Variants in HMGA1 observed in about 807,000 individuals in gnomAD.
HMGA1 encodes the protein high mobility group AT-hook 1, also known as high mobility group protein HMG-I/HMG-Y.
Under a neutral mutation model 15.1 loss-of-function variants are expected in HMGA1, and 1 was observed. The ratio of observed to expected loss-of-function variants is 0.07; its 90% CI spans 0.02 to 0.31. The LOEUF is 0.31. HMGA1 is among the 10% of genes least tolerant of loss of function. The probability of loss-of-function intolerance (pLI) is 1.00; values close to 1 mark genes in which losing one functional copy is unlikely to be tolerated. For missense variants in HMGA1, 94 were observed against 141.4 expected, an observed-to-expected ratio of 0.66 and a Z score of 1.70; for synonymous variants, 56 against 54.8, an observed-to-expected ratio of 1.02 and a Z score of -0.10.
At chr6:34,243,023 ATCAGG>A (rs1159356839) in intron 4 of HMGA1, among the ~76,000 whole-genome samples, 1 of 151,968 alleles carries the variant, frequency 6.6e-6, no homozygotes, top group Non-Finnish European at 1.5e-5. Flanking sequence ...CACTGCGGAG[ATCAGG>A]TCAGAAGTCC....
At chr6:34,242,569 C>A (rs1300739325) in intron 3 of HMGA1, 143 bp from the exon 4 acceptor site, 2 of 684,198 alleles carry the variant, frequency 2.9e-6, no homozygotes, top group Non-Finnish European at 5.4e-6. Flanking sequence ...AGCTTTGGAT[C>A]CTGAAGGGAT....
intron 3 of HMGA1, among the ~76,000 whole-genome samples, chr6:34,241,874 G>C (rs141500795): frequency 1.3e-5 from 2 of 152,318 alleles, no homozygotes; most frequent in South Asian, 4.1e-4. Flanking sequence ...GACACGAGCT[G>C]TGAGGAGTCT....
rs990800913 is a variant in HMGA1, at chr6:34,237,206, C to T, written c.-156C>T. The T allele has an allele frequency of 3.4e-5, 5 of 149,202 alleles. No individual in the cohort carries two copies. Among genetic ancestry groups the T allele is most frequent in the African/African-American group, 9.8e-5 (4 of 40,678 alleles). The allele number at this position is 149,202 out of a possible 1,614,324, so 9.2% of individuals were successfully genotyped here. A position where few individuals can be genotyped will look rare whatever the true frequency, so the allele number is the denominator to read the frequency against. On this transcript the variant is annotated splice_region_variant and 5_prime_UTR_variant, in exon 2 of 6. Coordinates refer to ENST00000311487, the MANE Select transcript of HMGA1 (RefSeq NM_145899.3). Reference sequence around the variant, plus strand: ...CCTCTGCTCTCTCCCGGTTTCAGATCCGCATTTGCTACCAGCGGCGGCCGC... The same window carrying T: ...CCTCTGCTCTCTCCCGGTTTCAGATTCGCATTTGCTACCAGCGGCGGCCGC...
rs902299724 is a variant in HMGA1 at position 34,236,974 on chromosome 6, G to C, written c.-159+11G>C. 3 of 152,432 alleles carry C rather than the reference G, an allele frequency of 2.0e-5. No individual in the cohort carries two copies. Among genetic ancestry groups the C allele is most frequent in the East Asian group, 1.9e-4 (1 of 5,190 alleles). The allele number at this position is 152,432 out of a possible 1,614,324, so 9.4% of individuals were successfully genotyped here. ...CGGCTCCAAGAAGGCGTGAGTTCGCGGCCGCTCCGGTGGCTTCTTTTTTTT... is the reference window on the plus strand; with the variant it reads ...CGGCTCCAAGAAGGCGTGAGTTCGCCGCCGCTCCGGTGGCTTCTTTTTTTT... On this transcript the variant is annotated intron_variant, in intron 1 of 5. Coordinates refer to ENST00000311487, the MANE Select transcript of HMGA1 (RefSeq NM_145899.3).
intron 3 of HMGA1, among the ~76,000 whole-genome samples, chr6:34,241,141 A>G (rs1762275604): frequency 3.3e-5 from 5 of 152,160 alleles, no homozygotes; most frequent in Non-Finnish European, 7.4e-5. Context: ...AATTCAAGAT[A>G]AATTCTGAAG....
chr6:34,244,369 G>A (rs1047545793), intron 5 of HMGA1, among the ~76,000 whole-genome samples: 1 of 151,780 alleles, frequency 6.6e-6, no homozygotes, highest in African/African-American at 2.4e-5. Context: ...CGGCCACCCC[G>A]GAGGGCCAGG....
At chr6:34,241,569 C>T (rs1020075483) in intron 3 of HMGA1, among the ~76,000 whole-genome samples, 1 of 152,224 alleles carries the variant, frequency 6.6e-6, no homozygotes, top group African/African-American at 2.4e-5. Flanking sequence ...CCTGGTGCTG[C>T]TCTCCCCACA....
chr6:34,237,934 C>G (rs1036392661), intron 2 of HMGA1, among the ~76,000 whole-genome samples: 2 of 152,176 alleles, frequency 1.3e-5, no homozygotes, highest in African/African-American at 4.8e-5. Flanking sequence ...CTGGCCTGGC[C>G]CGCGCCTCTT....
intron 3 of HMGA1, among the ~76,000 whole-genome samples, chr6:34,242,112 C>G (rs1175284302): frequency 6.6e-6 from 1 of 152,180 alleles, no homozygotes; most frequent in African/African-American, 2.4e-5. Context: ...GCTTTTTATT[C>G]TATCTACGGC....
intron 4 of HMGA1, among the ~76,000 whole-genome samples, 159 bp from the exon 5 acceptor site, chr6:34,243,309 G>T (rs567795262): frequency 9.3e-5 from 14 of 150,276 alleles, no homozygotes; most frequent in African/African-American, 3.5e-4. Context: ...GGCAAATGTG[G>T]CTGGCCAGTC....
intron 2 of HMGA1, among the ~76,000 whole-genome samples, chr6:34,237,546 G>A (rs944351801): frequency 4.8e-5 from 7 of 145,052 alleles, no homozygotes; most frequent in Admixed American, 2.0e-4. Flanking sequence ...CCCGCGCCGC[G>A]GGCGCCCTGC....
chr6:34,242,119 C>T (rs547870865), intron 3 of HMGA1, among the ~76,000 whole-genome samples: 26 of 152,278 alleles, frequency 1.7e-4, no homozygotes, highest in Admixed American at 1.0e-3. Context: ...ATTCTATCTA[C>T]GGCTTATTAA....
chr6:34,243,383 T>C (rs1430062862), intron 4 of HMGA1, 85 bp from the exon 5 acceptor site: 2 of 1,027,884 alleles, frequency 1.9e-6, no homozygotes, highest in Admixed American at 1.9e-5. Context: ...AACAGGCAGG[T>C]AGGTCTGCCC....
intron 2 of HMGA1, among the ~76,000 whole-genome samples, chr6:34,237,929 C>T (rs1212337431): frequency 6.6e-6 from 1 of 152,140 alleles, no homozygotes; most frequent in Non-Finnish European, 1.5e-5. Context: ...CACCTCTGGC[C>T]TGGCCCGCGC....
chr6:34,245,211 C>T lies in HMGA1; in HGVS notation c.*327C>T, dbSNP rs1287799732. On this transcript the variant is annotated 3_prime_UTR_variant, in exon 6 of 6. Coordinates refer to ENST00000311487, the MANE Select transcript of HMGA1 (RefSeq NM_145899.3). ...CCTGCACCTGCTGCGTCCCCACTCCCTTGGTGGTGGGGACATTGCTCTCTG... is the reference window on the plus strand; with the variant it reads ...CCTGCACCTGCTGCGTCCCCACTCCTTTGGTGGTGGGGACATTGCTCTCTG... 1.4e-6 allele frequency: 2 copies of T among 1,404,090 alleles called. No individual in the cohort carries two copies. Among genetic ancestry groups the T allele is most frequent in the Non-Finnish European group, 1.9e-6 (2 of 1,062,006 alleles). The allele number at this position is 1,404,090 out of a possible 1,614,324, so 87.0% of individuals were successfully genotyped here. A position where few individuals can be genotyped will look rare whatever the true frequency, so the allele number is the denominator to read the frequency against.
intron 3 of HMGA1, among the ~76,000 whole-genome samples, chr6:34,241,547 G>A (rs959009968): frequency 3.9e-5 from 6 of 152,216 alleles, no homozygotes; most frequent in South Asian, 2.1e-4. Context: ...TGGTGGCAGT[G>A]ACCCTCAGAA....
rs574215410 is a variant in HMGA1, at chr6:34,240,161, C to A, written c.-44-576C>A. Among the ~76,000 whole-genome samples the A allele has an allele frequency of 7.9e-5, 12 of 152,308 alleles. No individual in the cohort carries two copies. In the East Asian group the frequency reaches 2.3e-3, roughly 29 times the overall value. On this transcript the variant is annotated intron_variant, in intron 2 of 5. Coordinates refer to ENST00000311487, the MANE Select transcript of HMGA1 (RefSeq NM_145899.3). ...CAGAGAAGAGAGCTGGTGGTGGGCA[C>A]CACCCCTGGCTGTGTGATTGGCTCT...
At chr6:34,243,911 A>G (rs373621149) in intron 5 of HMGA1, among the ~76,000 whole-genome samples, 2 of 152,246 alleles carry the variant, frequency 1.3e-5, no homozygotes, top group East Asian at 3.9e-4. Context: ...TGCAGAAGAG[A>G]AACAGCGAAG....
intron 2 of HMGA1, among the ~76,000 whole-genome samples, chr6:34,239,432 A>G (rs1762116235): frequency 6.6e-6 from 1 of 152,102 alleles, no homozygotes; most frequent in Non-Finnish European, 1.5e-5. Context: ...CAAATGGTCT[A>G]GTTCTTATTT....
Sources: allele counts gnomAD v4.1 joint callset (sites outside exome capture counted in the v4.1 genomes callset), GRCh38; gene constraint gnomAD v4.1.1; transcripts MANE v1.5; gene names NCBI Gene and HGNC (gene_info 2026-07-23, HGNC 2026-07-21).